The following TRIO variants were observed in gnomAD, a reference collection of about 807,000 sequenced individuals.
TRIO encodes triple functional domain protein.
Under a neutral mutation model 351.9 loss-of-function variants are expected in TRIO, and 58 were observed. That is an observed-to-expected ratio of 0.16 (90% CI 0.13 to 0.21). TRIO has a LOEUF of 0.21. TRIO is among the 10% of genes least tolerant of loss of function. The probability of loss-of-function intolerance (pLI) is 1.00; values close to 1 mark genes in which losing one functional copy is unlikely to be tolerated. For missense variants in TRIO, 3,201 were observed against 4,027.8 expected (o/e 0.79, Z 5.56); for synonymous variants, 1,758 against 1,595.7 (o/e 1.10, Z -2.42).
intron 1 of TRIO, among the ~76,000 whole-genome samples, chr5:14,225,967 C>G (rs940685537): frequency 1.3e-5 from 2 of 152,166 alleles, no homozygotes; most frequent in Non-Finnish European, 2.9e-5. Context: ...AATTAAAAGT[C>G]AGCTTTGAGT....
At chr5:14,467,388 G>A (rs766211146) in intron 37 of TRIO, among the ~76,000 whole-genome samples, 4 of 152,146 alleles carry the variant, frequency 2.6e-5, no homozygotes, top group Admixed American at 6.5e-5. Context: ...TTGGACTGAC[G>A]TGTCACCCTG....
intron 1 of TRIO, among the ~76,000 whole-genome samples, chr5:14,263,258 A>G (rs1391656269): frequency 1.3e-5 from 2 of 152,100 alleles, no homozygotes; most frequent in African/African-American, 4.8e-5. Context: ...GTATATGAGC[A>G]CCCCCAACTC....
chr5:14,444,977 G>A (rs1427325835), intron 34 of TRIO, among the ~76,000 whole-genome samples: 1 of 152,162 alleles, frequency 6.6e-6, no homozygotes, highest in Non-Finnish European at 1.5e-5. Context: ...CTTATTTCTA[G>A]ACAAGGAGCA....
At chr5:14,328,238 G>A (rs751470549) in intron 9 of TRIO, among the ~76,000 whole-genome samples, 3 of 152,022 alleles carry the variant, frequency 2.0e-5, no homozygotes, top group Non-Finnish European at 4.4e-5. Flanking sequence ...CACTCAATAC[G>A]TTAAAACAAT....
intron 1 of TRIO, among the ~76,000 whole-genome samples, chr5:14,196,337 C>T (rs945403377): frequency 1.4e-5 from 2 of 146,714 alleles, no homozygotes; most frequent in Admixed American, 7.1e-5. Context: ...GCAGGAGAAT[C>T]GCTTGAATCC....
chr5:14,483,162 A>G (rs538595916), intron 46 of TRIO, among the ~76,000 whole-genome samples: 9 of 152,330 alleles, frequency 5.9e-5, no homozygotes, highest in Admixed American at 5.9e-4. Context: ...CCAAGGAGGT[A>G]CTGAGCACTC....
intron 40 of TRIO, among the ~76,000 whole-genome samples, chr5:14,475,726 C>A (rs1755026365): frequency 6.6e-6 from 1 of 152,202 alleles, no homozygotes; most frequent in Admixed American, 6.5e-5. Flanking sequence ...ATGATTTAGT[C>A]TCCTACTTCC....
At chr5:14,476,806 A>T in intron 40 of TRIO, 88 bp from the exon 41 acceptor site, 1 of 1,226,372 alleles carries the variant, frequency 8.2e-7, no homozygotes, top group South Asian at 1.4e-5. Flanking sequence ...AAAAAAAAGA[A>T]AAAAAGAAAA....
At chr5:14,275,056 C>A (rs74745926) in intron 2 of TRIO, among the ~76,000 whole-genome samples, 3 of 152,042 alleles carry the variant, frequency 2.0e-5, no homozygotes, top group African/African-American at 7.2e-5. Flanking sequence ...AACACACACA[C>A]GCATTTTAAT....
At chr5:14,382,011 C>T (rs1338506227) in intron 21 of TRIO, among the ~76,000 whole-genome samples, 1 of 152,164 alleles carries the variant, frequency 6.6e-6, no homozygotes, top group African/African-American at 2.4e-5. Context: ...GTCACCATTA[C>T]AACCTGTGGG....
chr5:14,176,136 C>T (rs922688491), intron 1 of TRIO, among the ~76,000 whole-genome samples: 3 of 152,074 alleles, frequency 2.0e-5, no homozygotes, highest in East Asian at 3.9e-4. Flanking sequence ...GTGAGACCCA[C>T]CCTGTCTCTG....
At chr5:14,319,172 G>GA (rs1191820760) in intron 9 of TRIO, among the ~76,000 whole-genome samples, 1 of 152,216 alleles carries the variant, frequency 6.6e-6, no homozygotes, top group Non-Finnish European at 1.5e-5. Flanking sequence ...GTCAGCAGGA[G>GA]AAAGTGTTTT....
chr5:14,355,921 A>C (rs992049649), intron 11 of TRIO, among the ~76,000 whole-genome samples: 1 of 152,222 alleles, frequency 6.6e-6, no homozygotes, highest in Non-Finnish European at 1.5e-5. Context: ...TCCTTAATGT[A>C]TAAAATGAAA....
At chr5:14,504,365 C>T (rs1338664232) in intron 54 of TRIO, 28 bp from the exon 55 acceptor site, 7 of 1,612,366 alleles carry the variant, frequency 4.3e-6, no homozygotes, top group Non-Finnish European at 3.4e-6. Flanking sequence ...GCAGCCTCTG[C>T]AAATGGTCCC....
rs114275186 is a variant in TRIO at position 14,387,178 on chromosome 5, A to G, written c.3571-260A>G. 1.8e-3 allele frequency among the ~76,000 whole-genome samples: 281 copies of G among 152,370 alleles called. 2 individuals are homozygous for G. The highest frequency in any genetic ancestry group is 6.5e-3 in the African/African-American group (271 of 41,592). On this transcript the variant is annotated intron_variant, in intron 21 of 56. Transcript: ENST00000344204. ...CACATTTTTACTAAGCACCTCCTAG[A>G]TGAAGACGTTGCTGAAAAATAGTCT...
chr5:14,226,455 G>A (rs770106224), intron 1 of TRIO, among the ~76,000 whole-genome samples: 3 of 152,142 alleles, frequency 2.0e-5, no homozygotes, highest in Non-Finnish European at 4.4e-5. Flanking sequence ...GGAGTGGAGC[G>A]TGGACGACAA....
At chr5:14,376,409 G>C (rs1257595220) in intron 19 of TRIO, among the ~76,000 whole-genome samples, 3 of 152,138 alleles carry the variant, frequency 2.0e-5, no homozygotes, top group African/African-American at 7.2e-5. Context: ...CACTGTCAAG[G>C]CTTTTGTGCA....
In TRIO at chr5:14,157,391, C is replaced by T. The variant is rs376483201; in HGVS notation, c.157+13509C>T. Among the ~76,000 whole-genome samples the T allele has an allele frequency of 5.3e-5, 8 of 151,990 alleles. No individual in the cohort carries two copies. The South Asian group carries it at 1.7e-3, about 32-fold the overall frequency. The stretch of plus-strand genomic sequence containing the variant: ...TTCTTTTCTCTCTCTCTTTCTCTCT[C>T]TCTCCCCCTCCCCGCCTCCCTCCCT... On this transcript the variant is annotated intron_variant, in intron 1 of 56. Transcript: ENST00000344204.
intron 1 of TRIO, among the ~76,000 whole-genome samples, chr5:14,246,770 C>G (rs1382786483): frequency 3.3e-5 from 5 of 152,204 alleles, no homozygotes; most frequent in Non-Finnish European, 5.9e-5. Flanking sequence ...TCAGCCATTC[C>G]CTGCCATTCT....
Sources: allele counts gnomAD v4.1 joint callset (sites outside exome capture counted in the v4.1 genomes callset), GRCh38; gene constraint gnomAD v4.1.1; transcripts MANE v1.5; gene names NCBI Gene and HGNC (gene_info 2026-07-23, HGNC 2026-07-21).